The following AUTS2 variants were observed in gnomAD, a reference collection of about 807,000 sequenced individuals.
AUTS2 encodes the protein autism susceptibility gene 2 protein.
Under a neutral mutation model 112.4 loss-of-function variants are expected in AUTS2, and 17 were observed. That is an observed-to-expected ratio of 0.15 (90% confidence interval 0.10 to 0.23). The LOEUF is 0.23. Ranked by LOEUF, AUTS2 falls within the 10% of genes least tolerant of loss-of-function variation. The pLI is 1.00. For missense variants in AUTS2, 1,510 were observed against 1,701.6 expected (o/e 0.89, Z 1.98); for synonymous variants, 751 against 702.7 (o/e 1.07, Z -1.09).
intron 4 of AUTS2, among the ~76,000 whole-genome samples, chr7:70,340,444 C>T (rs1413057130): frequency 6.6e-6 from 1 of 152,070 alleles, no homozygotes; most frequent in Non-Finnish European, 1.5e-5. Flanking sequence ...ACACTCTTCA[C>T]ATAGAGGTGC....
chr7:69,942,254 A>T (rs1262880767), intron 2 of AUTS2, among the ~76,000 whole-genome samples: 1 of 152,208 alleles, frequency 6.6e-6, no homozygotes, highest in Non-Finnish European at 1.5e-5. Flanking sequence ...CTAGATCAAT[A>T]CCTGACATAT....
intron 5 of AUTS2, among the ~76,000 whole-genome samples, chr7:70,605,000 C>T (rs1803655485): frequency 6.6e-6 from 1 of 152,174 alleles, no homozygotes; most frequent in Non-Finnish European, 1.5e-5. Context: ...TAAGGGAGCT[C>T]CTGCTTTGTA....
At chr7:70,276,110 CT>C (rs1362281046) in intron 4 of AUTS2, among the ~76,000 whole-genome samples, 3 of 152,258 alleles carry the variant, frequency 2.0e-5, no homozygotes, top group Middle Eastern at 3.4e-3. Flanking sequence ...ACATCTTTCC[CT>C]TTCTTATTTC....
At chr7:70,333,161 A>G (rs1034975509) in intron 4 of AUTS2, among the ~76,000 whole-genome samples, 16 of 152,232 alleles carry the variant, frequency 1.1e-4, no homozygotes, top group African/African-American at 3.9e-4. Context: ...ATCTGAACAG[A>G]CACTTCTCAA....
intron 1 of AUTS2, 84 bp from the exon 2 acceptor site, chr7:69,899,202 C>CCT: frequency 9.9e-7 from 1 of 1,012,692 alleles, no homozygotes; most frequent in South Asian, 1.4e-5. Flanking sequence ...TAGTAACACC[C>CCT]TTTAGTATTT....
At chr7:70,038,931 G>T (rs1161303088) in intron 2 of AUTS2, among the ~76,000 whole-genome samples, 1 of 152,028 alleles carries the variant, frequency 6.6e-6, no homozygotes, top group African/African-American at 2.4e-5. Flanking sequence ...GCTAGTTTTT[G>T]TATTTTTAGT....
At chr7:70,519,085 C>T (rs1370868439) in intron 5 of AUTS2, among the ~76,000 whole-genome samples, 1 of 152,098 alleles carries the variant, frequency 6.6e-6, no homozygotes, top group Non-Finnish European at 1.5e-5. Flanking sequence ...CACTAAAAGC[C>T]TTTATTTACA....
intron 5 of AUTS2, among the ~76,000 whole-genome samples, chr7:70,565,565 A>G (rs1412943849): frequency 2.6e-5 from 4 of 152,144 alleles, no homozygotes; most frequent in Non-Finnish European, 5.9e-5. Context: ...CTGTACTCCC[A>G]GCTGCTCAGG....
intron 2 of AUTS2, among the ~76,000 whole-genome samples, chr7:69,933,177 A>G (rs1481337878): frequency 2.6e-5 from 4 of 152,210 alleles, no homozygotes; most frequent in African/African-American, 9.6e-5. Context: ...TAGAGTACTA[A>G]TCAAAGTACT....
chr7:70,245,119 C>CAA (rs61068581), intron 4 of AUTS2, among the ~76,000 whole-genome samples: 1 of 65,022 alleles, frequency 1.5e-5, no homozygotes, highest in Non-Finnish European at 2.9e-5. Flanking sequence ...GATCCTGCCT[C>CAA]AAAAAAAAAA....
intron 2 of AUTS2, among the ~76,000 whole-genome samples, chr7:69,931,840 G>A (rs1796239016): frequency 6.6e-6 from 1 of 152,206 alleles, no homozygotes; most frequent in Non-Finnish European, 1.5e-5. Context: ...TACCCCGCTT[G>A]TCAGGCAGCC....
intron 2 of AUTS2, among the ~76,000 whole-genome samples, chr7:69,921,062 A>G (rs1310674050): frequency 6.6e-6 from 1 of 152,158 alleles, no homozygotes; most frequent in East Asian, 1.9e-4. Flanking sequence ...AGAATTTATG[A>G]GCTGCCACCA....
At chr7:69,859,422 A>T (rs557352287) in intron 1 of AUTS2, among the ~76,000 whole-genome samples, 1 of 152,328 alleles carries the variant, frequency 6.6e-6, no homozygotes, top group Admixed American at 6.5e-5. Flanking sequence ...CCAAAAACTG[A>T]CCTCAGAATT....
At chr7:70,716,655 A>AAG (rs1215726942) in intron 6 of AUTS2, among the ~76,000 whole-genome samples, 1 of 130,458 alleles carries the variant, frequency 7.7e-6, no homozygotes, top group Non-Finnish European at 1.7e-5. Context: ...AAAAAAAAAA[A>AAG]AAAAAAAAAA....
intron 5 of AUTS2, among the ~76,000 whole-genome samples, chr7:70,603,160 C>G (rs1803560497): frequency 6.6e-6 from 1 of 152,166 alleles, no homozygotes; most frequent in South Asian, 2.1e-4. Flanking sequence ...GTCATAGACA[C>G]AGATTGAAGG....
chr7:70,547,784 T>A (rs1298284731), intron 5 of AUTS2, among the ~76,000 whole-genome samples: 1 of 152,200 alleles, frequency 6.6e-6, no homozygotes, highest in Non-Finnish European at 1.5e-5. Flanking sequence ...TACAGCTGAG[T>A]GGACATGTGT....
rs986739968 is a variant in AUTS2 at position 69,693,603 on chromosome 7, G to C, written c.309+93641G>C. Among the ~76,000 whole-genome samples, 3 of 152,162 alleles carry C rather than the reference G, an allele frequency of 2.0e-5. No homozygotes were observed. In the East Asian group the frequency reaches 5.8e-4, roughly 29 times the overall value. On this transcript the variant is annotated intron_variant, in intron 1 of 18. Transcript: ENST00000342771. The stretch of plus-strand genomic sequence containing the variant: ...CATTTTCATGTGCTCATTCAGCTGG[G>C]ATTTGTGTTTCATAGAACTGGTAGT...
At chr7:69,813,319 A>G (rs557184918) in intron 1 of AUTS2, among the ~76,000 whole-genome samples, 9 of 152,094 alleles carry the variant, frequency 5.9e-5, no homozygotes, top group Non-Finnish European at 1.3e-4. Flanking sequence ...CTGTATTTCT[A>G]TTGCTGGAGC....
At chr7:69,962,887 G>GT (rs985788469) in intron 2 of AUTS2, among the ~76,000 whole-genome samples, 13 of 152,122 alleles carry the variant, frequency 8.5e-5, no homozygotes, top group Non-Finnish European at 1.6e-4. Context: ...TAAAGGTTTT[G>GT]TAAGAGCTGT....
Sources: gnomAD v4.1 joint callset for allele counts (sites outside exome capture counted in the v4.1 genomes callset) on GRCh38, gnomAD v4.1.1 for gene constraint, MANE v1.5 for transcripts, NCBI Gene and HGNC (gene_info 2026-07-23, HGNC 2026-07-21) for gene names.